The following GABRG3 variants were observed in gnomAD, a reference collection of about 807,000 sequenced individuals.
GABRG3 encodes gamma-aminobutyric acid receptor subunit gamma-3.
Under a neutral mutation model 48.8 loss-of-function variants are expected in GABRG3, and 25 were observed. The ratio of observed to expected loss-of-function variants is 0.51; its 90% confidence interval spans 0.37 to 0.72. The LOEUF is 0.72. Among genes scored for constraint, GABRG3 ranks in the 30% least tolerant of loss-of-function variants. GABRG3 has a pLI of 0.00. For missense variants in GABRG3, 394 were observed against 577.9 expected (o/e 0.68, Z 3.26); for synonymous variants, 227 against 217.6 (o/e 1.04, Z -0.38).
chr15:27,091,482 GAA>G (rs1897184509), intron 3 of GABRG3, among the ~76,000 whole-genome samples: 1 of 152,110 alleles, frequency 6.6e-6, no homozygotes, highest in Admixed American at 6.5e-5. Flanking sequence ...TGACCTCATA[GAA>G]AGAGTTAGAA....
chr15:27,102,859 C>A (rs1897384948), intron 3 of GABRG3, among the ~76,000 whole-genome samples: 1 of 152,108 alleles, frequency 6.6e-6, no homozygotes, highest in Non-Finnish European at 1.5e-5. Flanking sequence ...CCATAGTACT[C>A]CCCCAAGTAC....
intron 3 of GABRG3, among the ~76,000 whole-genome samples, chr15:27,295,681 G>A (rs1198441108): frequency 6.6e-6 from 1 of 152,162 alleles, no homozygotes; most frequent in Non-Finnish European, 1.5e-5. Flanking sequence ...AGGCCTACAG[G>A]CATGGGGGAC....
intron 5 of GABRG3, among the ~76,000 whole-genome samples, chr15:27,448,553 G>T (rs1353027868): frequency 6.6e-6 from 1 of 152,214 alleles, no homozygotes; most frequent in African/African-American, 2.4e-5. Context: ...ATTCAAATCA[G>T]TTTGGCAAGT....
chr15:27,057,965 G>A (rs561329275), intron 3 of GABRG3, among the ~76,000 whole-genome samples: 25 of 152,294 alleles, frequency 1.6e-4, no homozygotes, highest in African/African-American at 6.0e-4. Context: ...GGACATGAGT[G>A]CATTCTCCAT....
In GABRG3 at chr15:27,180,462, C is replaced by T. The variant is rs570038899; in HGVS notation, c.271-146347C>T. Among the ~76,000 whole-genome samples the T allele has an allele frequency of 6.6e-6, 1 of 152,210 alleles. No individual in the cohort carries two copies. Among genetic ancestry groups the T allele is most frequent in the East Asian group, 1.9e-4 (1 of 5,138 alleles). The stretch of plus-strand genomic sequence containing the variant: ...TCACACTCGGGACTCTCTGCCTACC[C>T]TATGCTTGCACTAGATTCATCACGA... On this transcript the variant is annotated intron_variant, in intron 3 of 9. Transcript: ENST00000615808. The surrounding 1 kb of genome is among the most constrained non-coding windows in gnomAD (Gnocchi z 4.2).
intron 2 of GABRG3, among the ~76,000 whole-genome samples, chr15:27,023,629 C>T (rs562478719): frequency 3.9e-4 from 59 of 152,338 alleles, no homozygotes; most frequent in African/African-American, 1.3e-3. Context: ...TGTTGTGGCA[C>T]GTATCACGAT....
intron 5 of GABRG3, among the ~76,000 whole-genome samples, chr15:27,451,182 T>C (rs1889101041): frequency 6.6e-6 from 1 of 151,856 alleles, no homozygotes; most frequent in African/African-American, 2.4e-5. Flanking sequence ...AATAGAAAAA[T>C]AAAATCCTAA....
At chr15:27,069,595 G>C (rs1896794054) in intron 3 of GABRG3, among the ~76,000 whole-genome samples, 1 of 152,170 alleles carries the variant, frequency 6.6e-6, no homozygotes, top group Non-Finnish European at 1.5e-5. Flanking sequence ...AAAGGGAAAG[G>C]CTAGCAGAGT....
intron 3 of GABRG3, among the ~76,000 whole-genome samples, chr15:27,278,145 G>A (rs1006055583): frequency 1.3e-5 from 2 of 151,430 alleles, no homozygotes; most frequent in African/African-American, 4.9e-5. Context: ...TCCCCATCCC[G>A]GGTTCAAACG....
At chr15:27,480,527 T>C (rs140676) in intron 5 of GABRG3, 123 bp from the exon 6 acceptor site, 71,959 of 857,942 alleles carry the variant, frequency 0.084, 3,324 homozygotes, top group South Asian at 0.14. Context: ...AAATTGAGAG[T>C]GCACATATGG....
At chr15:27,204,081 GT>G (rs1359784044) in intron 3 of GABRG3, among the ~76,000 whole-genome samples, 1 of 151,928 alleles carries the variant, frequency 6.6e-6, no homozygotes, top group Non-Finnish European at 1.5e-5. Context: ...CAATATTTTT[GT>G]CGGAATTGCT....
chr15:27,214,401 C>T (rs1297648317), intron 3 of GABRG3, among the ~76,000 whole-genome samples: 1 of 152,170 alleles, frequency 6.6e-6, no homozygotes, highest in African/African-American at 2.4e-5. Context: ...GAGCCCTGGT[C>T]CCTTTTCCTA....
In GABRG3 at chr15:27,343,775, A is replaced by T. The variant is rs902264924; in HGVS notation, c.574+14887A>T. On this transcript the variant is annotated intron_variant, in intron 5 of 9. Coordinates refer to ENST00000615808, the MANE Select transcript of GABRG3 (RefSeq NM_033223.5). Reference sequence around the variant, plus strand: ...TCTCAAAGAAAAGGAAACAAAATTTAAAAAAGGCATAGTTGAGGCACATTC... The same window carrying T: ...TCTCAAAGAAAAGGAAACAAAATTTTAAAAAGGCATAGTTGAGGCACATTC... Among the ~76,000 whole-genome samples, 8 of 152,366 alleles carry T rather than the reference A, an allele frequency of 5.3e-5. No individual in the cohort carries two copies. The South Asian group carries it at 8.3e-4, about 16-fold the overall frequency.
chr15:27,195,169 A>G (rs1338643395), intron 3 of GABRG3, among the ~76,000 whole-genome samples: 1 of 152,200 alleles, frequency 6.6e-6, no homozygotes, highest in Non-Finnish European at 1.5e-5. Context: ...TTGTTGAAGC[A>G]TTTTTATGAC....
chr15:27,434,580 A>G (rs183949777), intron 5 of GABRG3, among the ~76,000 whole-genome samples: 323 of 152,230 alleles, frequency 2.1e-3, no homozygotes, highest in Non-Finnish European at 4.0e-3. Context: ...CATGTTGACT[A>G]CCTCTTAAAA....
At chr15:27,215,763 G>A (rs529354840) in intron 3 of GABRG3, among the ~76,000 whole-genome samples, 1 of 152,330 alleles carries the variant, frequency 6.6e-6, no homozygotes, top group South Asian at 2.1e-4. Context: ...CTGGATGAAT[G>A]TGGGCAGTGA....
chr15:27,311,936 T>C (rs1041766459), intron 3 of GABRG3, among the ~76,000 whole-genome samples: 3 of 151,724 alleles, frequency 2.0e-5, no homozygotes, highest in Admixed American at 6.6e-5. Flanking sequence ...TCAAGGAAAA[T>C]GAAGAAACGG....
Position 27,398,342 on chromosome 15 carries a change from A to G in GABRG3, c.574+69454A>G, listed in dbSNP as rs1887377044. 2.0e-5 allele frequency among the ~76,000 whole-genome samples: 3 copies of G among 152,314 alleles called. 1 individual carries two copies. The South Asian group carries it at 6.2e-4, about 32-fold the overall frequency. ...AGCTGAAGAAGTAGGTAATATTGCC[A>G]TACTGAAAACCATGCTTATTAAATT... On this transcript the variant is annotated intron_variant, in intron 5 of 9. Coordinates refer to ENST00000615808, the MANE Select transcript of GABRG3 (RefSeq NM_033223.5).
intron 3 of GABRG3, among the ~76,000 whole-genome samples, chr15:27,219,612 C>T (rs898277436): frequency 6.6e-6 from 1 of 152,120 alleles, no homozygotes; most frequent in Non-Finnish European, 1.5e-5. Context: ...CCACCTGTGC[C>T]CAGCACCTCT....
Sources: allele counts gnomAD v4.1 joint callset (sites outside exome capture counted in the v4.1 genomes callset), GRCh38; gene constraint gnomAD v4.1.1; non-coding constraint Gnocchi (gnomAD v3.1); transcripts MANE v1.5; gene names NCBI Gene and HGNC (gene_info 2026-07-23, HGNC 2026-07-21).